ARHGAP28: variants seen among roughly 807,000 people sequenced by gnomAD.
ARHGAP28 encodes the protein rho GTPase-activating protein 28.
A neutral mutation model predicts 90.7 loss-of-function variants in ARHGAP28; 56 were observed. The observed-to-expected ratio is 0.62, with a 90% CI of 0.50 to 0.77. ARHGAP28 has a LOEUF of 0.77. ARHGAP28 is among the 30% of genes least tolerant of loss of function. ARHGAP28 has a pLI of 0.00. For missense variants in ARHGAP28, 869 were observed against 900.9 expected (o/e 0.96, Z 0.45); for synonymous variants, 308 against 323.3 (o/e 0.95, Z 0.51).
At chr18:6,859,374 C>G (rs998845265) in intron 4 of ARHGAP28, among the ~76,000 whole-genome samples, 3 of 152,138 alleles carry the variant, frequency 2.0e-5, no homozygotes, top group Admixed American at 2.0e-4. Flanking sequence ...CCTGGCAGCT[C>G]CAGGCTGTCG....
intron 17 of ARHGAP28, among the ~76,000 whole-genome samples, chr18:6,910,876 G>T (rs1354397136): frequency 7.2e-6 from 1 of 138,832 alleles, no homozygotes; most frequent in Admixed American, 7.3e-5. Context: ...ACGGAGTCTC[G>T]CTCTGTCGCC....
chr18:6,847,170 A>G (rs2056871983), intron 3 of ARHGAP28, among the ~76,000 whole-genome samples: 1 of 152,132 alleles, frequency 6.6e-6, no homozygotes, highest in South Asian at 2.1e-4. Flanking sequence ...CCTTCTCTGC[A>G]GGAGTACGGC....
chr18:6,877,956 G>GTGTGTGTGTGTGTATGTGCA (rs929726524), intron 10 of ARHGAP28, among the ~76,000 whole-genome samples: 2 of 151,084 alleles, frequency 1.3e-5, no homozygotes, highest in East Asian at 3.9e-4. Flanking sequence ...GTTCCTCTGT[G>GTGTGTGTGTGTGTATGTGCA]TGTGTGTGTG....
chr18:6,804,931 C>G (rs956506545), intron 1 of ARHGAP28, among the ~76,000 whole-genome samples: 1 of 152,134 alleles, frequency 6.6e-6, no homozygotes, highest in African/African-American at 2.4e-5. Flanking sequence ...TATATACTTA[C>G]TTATTTAGTA....
At chr18:6,836,739 G>C (rs1228857858) in intron 2 of ARHGAP28, among the ~76,000 whole-genome samples, 5 of 152,154 alleles carry the variant, frequency 3.3e-5, no homozygotes, top group Admixed American at 3.3e-4. Flanking sequence ...TACTTATTTT[G>C]CTGAGAGGAC....
At chr18:6,896,865 A>G (rs763862812) in intron 16 of ARHGAP28, 36 of 384,244 alleles carry the variant, frequency 9.4e-5, no homozygotes, top group Non-Finnish European at 1.4e-4. Context: ...GGTATTGTCT[A>G]TCTTCGTAGC....
intron 1 of ARHGAP28, among the ~76,000 whole-genome samples, chr18:6,752,054 G>A (rs1201048544): frequency 6.6e-6 from 1 of 152,140 alleles, no homozygotes; most frequent in Non-Finnish European, 1.5e-5. Flanking sequence ...GTAGAACAGA[G>A]TAATTTGATT....
intron 1 of ARHGAP28, among the ~76,000 whole-genome samples, chr18:6,803,557 T>C (rs2056497754): frequency 6.6e-6 from 1 of 152,150 alleles, no homozygotes. Context: ...ATGTTATGTC[T>C]GTCTTGTTTT....
chr18:6,839,346 T>G (rs529709874), intron 3 of ARHGAP28, among the ~76,000 whole-genome samples: 2 of 147,358 alleles, frequency 1.4e-5, no homozygotes, highest in Non-Finnish European at 1.5e-5. Context: ...CAGGCTGGAG[T>G]GCAGTGGCGC....
intron 2 of ARHGAP28, among the ~76,000 whole-genome samples, chr18:6,826,414 C>T (rs1368074752): frequency 6.6e-6 from 1 of 150,546 alleles, no homozygotes; most frequent in African/African-American, 2.4e-5. Flanking sequence ...ATATTTTCTC[C>T]CATACTCTTG....
intron 12 of ARHGAP28, among the ~76,000 whole-genome samples, chr18:6,888,808 C>T (rs1053823977): frequency 6.6e-5 from 10 of 152,156 alleles, no homozygotes; most frequent in Non-Finnish European, 1.5e-4. Context: ...CACTGTCTCT[C>T]TCTCTCTCTC....
chr18:6,910,610 C>T lies in ARHGAP28; in HGVS notation c.2096-1450C>T, dbSNP rs2057390916. Among the ~76,000 whole-genome samples the T allele has an allele frequency of 2.6e-5, 4 of 151,982 alleles. No individual in the cohort carries two copies. In the South Asian group the frequency reaches 8.3e-4, roughly 32 times the overall value. ...GCCTCTCAGCGAGACCCTCCTTCCT[C>T]GCACCCTCCCGAACATGCCTTCCAT... On this transcript the variant is annotated intron_variant, in intron 17 of 17. Coordinates refer to ENST00000383472, the MANE Select transcript of ARHGAP28 (RefSeq NM_001366230.1).
chr18:6,851,255 A>G, intron 4 of ARHGAP28, 129 bp downstream of exon 4: 1 of 785,920 alleles, frequency 1.3e-6, no homozygotes, highest in Non-Finnish European at 2.1e-6. Flanking sequence ...CAACACACTT[A>G]TCTACCTTAG....
Position 6,912,077 on chromosome 18 carries a change from C to G in ARHGAP28, c.2113C>G (p.Pro705Ala), listed in dbSNP as rs750533475. 3.7e-6 allele frequency: 6 copies of G among 1,604,346 alleles called. No homozygotes were observed. In the South Asian group the frequency reaches 5.6e-5, roughly 15 times the overall value. The change falls in exon 18 of 18, where the codon CCA (proline) becomes GCA (alanine). Residue 705 changes from proline (P) to alanine (A), a missense_variant. Physicochemically the swap from Pro to Ala is conservative, Grantham distance 27. Coordinates refer to ENST00000383472, the MANE Select transcript of ARHGAP28 (RefSeq NM_001366230.1). ...TCTTTTAGGAGAGCATTGCTTGGAT[C>G]CAGATGCTTATATATTGGATGTATA... ...GGNIGEHCLD[P>A]DAYILDVYRI...
intron 3 of ARHGAP28, among the ~76,000 whole-genome samples, chr18:6,839,255 A>G (rs141669768): frequency 2.2e-3 from 337 of 151,680 alleles, no homozygotes; most frequent in African/African-American, 7.3e-3. Flanking sequence ...CAGTACTCAA[A>G]TGCTTTGTTT....
intron 1 of ARHGAP28, among the ~76,000 whole-genome samples, chr18:6,783,905 T>A (rs1460794267): frequency 6.6e-6 from 1 of 152,178 alleles, no homozygotes; most frequent in Non-Finnish European, 1.5e-5. Context: ...GCTTTAAAGT[T>A]CTCTGGTTCT....
At chr18:6,761,084 C>T (rs2056155826) in intron 1 of ARHGAP28, among the ~76,000 whole-genome samples, 2 of 151,622 alleles carry the variant, frequency 1.3e-5, no homozygotes, top group Non-Finnish European at 2.9e-5. Context: ...TATACGATTC[C>T]CTTTATATAT....
chr18:6,834,886 C>T (rs73384508), intron 2 of ARHGAP28, among the ~76,000 whole-genome samples: 4,340 of 152,170 alleles, frequency 0.029, 223 homozygotes, highest in African/African-American at 0.1. Context: ...AATACGGAAT[C>T]CTGAAAGAGG....
At chr18:6,749,274 A>T (rs183935036) in intron 1 of ARHGAP28, among the ~76,000 whole-genome samples, 3 of 152,342 alleles carry the variant, frequency 2.0e-5, no homozygotes, top group African/African-American at 7.2e-5. Context: ...AGCATATCTT[A>T]TAGGAAAGTT....
Sources: gnomAD v4.1 joint callset for allele counts (sites outside exome capture counted in the v4.1 genomes callset) on GRCh38, gnomAD v4.1.1 for gene constraint, MANE v1.5 for transcripts, NCBI Gene and HGNC (gene_info 2026-07-23, HGNC 2026-07-21) for gene names.